ARAP2: variants seen among roughly 807,000 people sequenced by gnomAD.
ARAP2 encodes the protein arf-GAP with Rho-GAP domain, ANK repeat and PH domain-containing protein 2.
ARAP2 carries 148 observed loss-of-function variants against 194.5 expected under a neutral mutation model. The observed-to-expected ratio is 0.76, with a 90% confidence interval of 0.67 to 0.87. The LOEUF (loss-of-function observed/expected upper bound fraction) is 0.87, where lower values mean the gene tolerates loss of function less well. ARAP2 is among the 40% of genes least tolerant of loss of function. The pLI is 0.00. For synonymous variants in ARAP2, 695 were observed against 683.5 expected (o/e 1.02, Z -0.26); for missense variants, 2,128 against 1,989.7 (o/e 1.07, Z -1.32).
chr4:36,138,479 T>A (rs942794262), intron 19 of ARAP2, among the ~76,000 whole-genome samples: 5 of 151,726 alleles, frequency 3.3e-5, no homozygotes, highest in African/African-American at 1.2e-4. Flanking sequence ...ATTACTCTTT[T>A]GTGTCTGGCT....
At chr4:36,111,289 C>CA (rs1719923133) in intron 26 of ARAP2, among the ~76,000 whole-genome samples, 1 of 151,886 alleles carries the variant, frequency 6.6e-6, no homozygotes, top group Non-Finnish European at 1.5e-5. Flanking sequence ...TCTCATATTT[C>CA]ACTTTATCTT....
intron 27 of ARAP2, among the ~76,000 whole-genome samples, chr4:36,095,931 C>T (rs1255213117): frequency 1.3e-5 from 2 of 152,020 alleles, no homozygotes; most frequent in African/African-American, 4.8e-5. Context: ...GGGCCTTACA[C>T]AGGATAACGC....
chr4:36,197,668 T>C (rs1251531835), intron 6 of ARAP2, among the ~76,000 whole-genome samples: 1 of 152,172 alleles, frequency 6.6e-6, no homozygotes, highest in Non-Finnish European at 1.5e-5. Flanking sequence ...TGTGGAGCAG[T>C]GAGGGGTGTG....
intron 27 of ARAP2, 42 bp from the exon 28 acceptor site, chr4:36,092,062 T>C: frequency 2.0e-6 from 3 of 1,490,054 alleles, no homozygotes; most frequent in Non-Finnish European, 2.7e-6. Flanking sequence ...GGTACGTTTT[T>C]ACTTATTTGA....
At chr4:36,107,780 T>G (rs919017959) in intron 26 of ARAP2, 87 bp from the exon 27 acceptor site, 1 of 1,318,970 alleles carries the variant, frequency 7.6e-7, no homozygotes, top group African/African-American at 1.5e-5. Context: ...AAAAATCCAT[T>G]TGAAAACATC....
intron 2 of ARAP2, among the ~76,000 whole-genome samples, chr4:36,226,168 G>A (rs1168207725): frequency 6.6e-6 from 1 of 150,950 alleles, no homozygotes; most frequent in Non-Finnish European, 1.5e-5. Flanking sequence ...AAAAAAAACA[G>A]TGCTATGATA....
chr4:36,015,915 G>T (rs1016425880), exon 7 of ARAP2: 1 of 152,046 alleles, frequency 6.6e-6, no homozygotes, highest in African/African-American at 2.4e-5. Context: ...GAATAAATAT[G>T]CACATATCCT....
At chr4:36,162,025 G>A (rs1020970412) in intron 11 of ARAP2, among the ~76,000 whole-genome samples, 1 of 151,282 alleles carries the variant, frequency 6.6e-6, no homozygotes, top group Non-Finnish European at 1.5e-5. Context: ...GGAGAATGGC[G>A]TGAACCCGGG....
intron 6 of ARAP2, among the ~76,000 whole-genome samples, chr4:36,202,169 G>A (rs752084801): frequency 6.6e-5 from 10 of 151,846 alleles, no homozygotes; most frequent in Non-Finnish European, 1.5e-4. Context: ...ATCTCCATAC[G>A]TATTTATTTT....
At chr4:36,179,194 G>T (rs1738654741) in intron 8 of ARAP2, among the ~76,000 whole-genome samples, 1 of 152,138 alleles carries the variant, frequency 6.6e-6, no homozygotes, top group Non-Finnish European at 1.5e-5. Flanking sequence ...GACCATACTG[G>T]AAGCCTGAAG....
Position 36,128,753 on chromosome 4 carries a change from T to TAAAA in ARAP2, c.3428-12_3428-9dup. 7.1e-7 allele frequency: 1 copy of TAAAA among 1,409,668 alleles called. No homozygotes were observed. Among genetic ancestry groups the TAAAA allele is most frequent in the Non-Finnish European group, 9.7e-7 (1 of 1,031,040 alleles). 87.3% of individuals were successfully genotyped at this position (1,409,668 alleles called of 1,614,324 possible). ...TATATTTGCATCCTAAACCTTTGTT[T>TAAAA]AAAAAAAAAAAGTTATACTTTAAAA... On this transcript the variant is annotated splice_polypyrimidine_tract_variant and intron_variant, in intron 20 of 32. Coordinates refer to ENST00000303965, the MANE Select transcript of ARAP2 (RefSeq NM_015230.4).
intron 24 of ARAP2, among the ~76,000 whole-genome samples, chr4:36,118,437 T>A (rs1721918960): frequency 6.6e-6 from 1 of 151,250 alleles, no homozygotes; most frequent in Admixed American, 6.6e-5. Context: ...TTAAATGGAT[T>A]AGAGGAAAAA....
chr4:36,015,344 C>T (rs1254520142), intron 8 of ARAP2: 2 of 152,194 alleles, frequency 1.3e-5, no homozygotes, highest in Non-Finnish European at 2.9e-5. Context: ...GCATAACAAG[C>T]ATCCCTAAAC....
intron 28 of ARAP2, among the ~76,000 whole-genome samples, chr4:36,085,626 A>T (rs1711585193): frequency 1.3e-5 from 2 of 152,110 alleles, no homozygotes; most frequent in South Asian, 4.1e-4. Flanking sequence ...TGGCAAAATA[A>T]CTCAAATCCA....
At chr4:36,065,235 G>T (rs954288833), downstream of ARAP2, 24 of 380,504 alleles carry the variant, frequency 6.3e-5, no homozygotes, top group Non-Finnish European at 1.2e-4. Flanking sequence ...CAGGTGGAGC[G>T]GGAGAAGCAG....
In ARAP2 at chr4:36,175,250, C is replaced by T. The variant is rs73225597; in HGVS notation, c.1857+2577G>A. On this transcript the variant is annotated intron_variant, in intron 9 of 32. Coordinates refer to ENST00000303965, the MANE Select transcript of ARAP2 (RefSeq NM_015230.4). The stretch of plus-strand genomic sequence containing the variant: ...ACTGTGTGTGTTTGTATAAAATTTT[C>T]GAAGTTGCATCAAATCATCTTACTA... 2.8e-3 allele frequency among the ~76,000 whole-genome samples: 427 copies of T among 152,202 alleles called. 1 individual carries two copies. The highest frequency in any genetic ancestry group is 4.7e-3 in the Non-Finnish European group (320 of 68,010).
Position 36,165,044 on chromosome 4 carries a change from A to C in ARAP2, c.2043T>G (p.Thr681=), listed in dbSNP as rs1272542527. 2.5e-6 allele frequency: 4 copies of C among 1,613,934 alleles called. No individual in the cohort carries two copies. Among genetic ancestry groups the C allele is most frequent in the Non-Finnish European group, 3.4e-6 (4 of 1,179,942 alleles). ...TCTCAGCTACTTCATAATCAGAGAG[A>C]GTTTCTGCTATTGATTGCTGCACAG... The part of the protein sequence containing the change: ...IEAVQQSIAE[T]LSDYEVAEKI... Residue 681 remains threonine, a synonymous_variant, in exon 11 of 33, where the codon ACT becomes ACG. Transcript: ENST00000303965.
intron 12 of ARAP2, among the ~76,000 whole-genome samples, chr4:36,161,146 AACACACACACACACACACACACACACAC>A (rs36207295): frequency 6.8e-5 from 10 of 147,890 alleles, no homozygotes; most frequent in African/African-American, 2.5e-4. Context: ...CACACACACA[AACACACACACACACACACACACACACAC>A]ACACACACAC....
rs967354717 is a variant in ARAP2, at chr4:36,066,389, CTTTGA to C, written c.*1513_*1517del. On this transcript the variant is annotated 3_prime_UTR_variant, in exon 33 of 33. Transcript: ENST00000303965. The stretch of plus-strand genomic sequence containing the variant: ...TGTGCTTTTTAAAAATTCTAATTTA[CTTTGA>C]TTTAAAGAATAAATATCTCATACCC... The C allele has an allele frequency of 6.6e-6, 1 of 152,022 alleles. No individual in the cohort carries two copies. The highest frequency in any genetic ancestry group is 2.4e-5 in the African/African-American group (1 of 41,374). 9.4% of individuals were successfully genotyped at this position (152,022 alleles called of 1,614,324 possible). A position where few individuals can be genotyped will look rare whatever the true frequency, so the allele number is the denominator to read the frequency against.
Sources: gnomAD v4.1 joint callset for allele counts (sites outside exome capture counted in the v4.1 genomes callset) on GRCh38, gnomAD v4.1.1 for gene constraint, MANE v1.5 for transcripts, NCBI Gene and HGNC (gene_info 2026-07-23, HGNC 2026-07-21) for gene names.